Variants in TENM2 observed in about 807,000 individuals in gnomAD.
The protein encoded by TENM2 is teneurin-2.
A neutral mutation model predicts 245.2 loss-of-function variants in TENM2; 52 were observed. The ratio of observed to expected loss-of-function variants is 0.21; its 90% CI spans 0.17 to 0.27. The LOEUF is 0.27. TENM2 is among the 10% of genes least tolerant of loss of function. The pLI, the probability that TENM2 is intolerant of heterozygous loss-of-function variation, is 1.00. For missense variants in TENM2, 3,046 were observed against 3,666.8 expected (o/e 0.83, Z 4.37); for synonymous variants, 1,363 against 1,438.9 (o/e 0.95, Z 1.19).
intron 2 of TENM2, among the ~76,000 whole-genome samples, chr5:167,470,622 G>A (rs1238972805): frequency 6.6e-6 from 1 of 151,724 alleles, no homozygotes; most frequent in Non-Finnish European, 1.5e-5. Flanking sequence ...ACTAATCCTT[G>A]GAAGTAATGG....
At chr5:167,594,871 T>A (rs1292448807) in intron 2 of TENM2, among the ~76,000 whole-genome samples, 1 of 152,214 alleles carries the variant, frequency 6.6e-6, no homozygotes, top group African/African-American at 2.4e-5. Flanking sequence ...CCTTGCAATT[T>A]TACTTACAAA....
At chr5:168,096,533 C>A (rs747574694) in intron 8 of TENM2, among the ~76,000 whole-genome samples, 1 of 152,136 alleles carries the variant, frequency 6.6e-6, no homozygotes, top group South Asian at 2.1e-4. Context: ...TGCCAGAAAC[C>A]AACTACAGTG....
chr5:168,103,029 G>A (rs11955988), intron 9 of TENM2, among the ~76,000 whole-genome samples: 60,820 of 133,934 alleles, frequency 0.45, 12,873 homozygotes, highest in South Asian at 0.68. Context: ...ATCCCTCCCC[G>A]CCTCCCCCCA....
intron 5 of TENM2, among the ~76,000 whole-genome samples, chr5:168,023,807 C>G (rs540780349): frequency 3.3e-5 from 5 of 152,312 alleles, no homozygotes; most frequent in African/African-American, 1.2e-4. Flanking sequence ...GCCACCTGCC[C>G]TGGGAGCTCC....
At chr5:167,562,457 T>G (rs1373518464) in intron 2 of TENM2, among the ~76,000 whole-genome samples, 1 of 151,916 alleles carries the variant, frequency 6.6e-6, no homozygotes, top group East Asian at 1.9e-4. Flanking sequence ...TGCACAAAGA[T>G]TGAGTTGGTG....
chr5:167,654,873 C>T (rs1167907541), intron 2 of TENM2, among the ~76,000 whole-genome samples: 1 of 152,066 alleles, frequency 6.6e-6, no homozygotes, highest in Admixed American at 6.5e-5. Flanking sequence ...GCTATCCTGT[C>T]AGCACAGATG....
At chr5:167,101,225 G>C in the TENM2 span, among the ~76,000 whole-genome samples, 1 of 152,152 alleles carries the variant, frequency 6.6e-6, no homozygotes, top group Admixed American at 6.5e-5. Flanking sequence ...GACTTTGTTT[G>C]TTTGGTATAT....
chr5:167,652,133 C>T (rs1754512318), intron 2 of TENM2, among the ~76,000 whole-genome samples: 1 of 152,094 alleles, frequency 6.6e-6, no homozygotes, highest in African/African-American at 2.4e-5. Flanking sequence ...GACAGAAGAC[C>T]TTGATAAACT....
intron 1 of TENM2, among the ~76,000 whole-genome samples, chr5:167,348,406 A>G (rs1257644798): frequency 1.3e-5 from 2 of 152,184 alleles, no homozygotes; most frequent in Non-Finnish European, 1.5e-5. Context: ...GGCTGCTTTC[A>G]GCTGTGGGCC....
At chr5:167,691,896 C>A (rs1298268544) in intron 2 of TENM2, among the ~76,000 whole-genome samples, 1 of 152,108 alleles carries the variant, frequency 6.6e-6, no homozygotes, top group Non-Finnish European at 1.5e-5. Context: ...AAGTGATACA[C>A]AAAAAACTAT....
At chr5:167,210,883 G>A in the TENM2 span, among the ~76,000 whole-genome samples, 1 of 152,146 alleles carries the variant, frequency 6.6e-6, no homozygotes, top group Non-Finnish European at 1.5e-5. Flanking sequence ...TTTGTGCTGG[G>A]TACTTTGGGG....
chr5:167,061,799 C>T, the TENM2 span, among the ~76,000 whole-genome samples: 1 of 151,030 alleles, frequency 6.6e-6, no homozygotes, highest in African/African-American at 2.4e-5. Flanking sequence ...GTAACACAGA[C>T]AATGTGTTTC....
At chr5:167,734,716 C>A (rs1760681279) in intron 2 of TENM2, among the ~76,000 whole-genome samples, 1 of 152,006 alleles carries the variant, frequency 6.6e-6, no homozygotes, top group Non-Finnish European at 1.5e-5. Context: ...CTATACTGCA[C>A]CCTTAAGAAT....
At chr5:167,728,101 C>T (rs1052299033) in intron 2 of TENM2, among the ~76,000 whole-genome samples, 2 of 152,102 alleles carry the variant, frequency 1.3e-5, no homozygotes, top group African/African-American at 4.8e-5. Flanking sequence ...GGAACTGGGA[C>T]CAGTCTTATG....
chr5:168,109,354 T>G (rs1414927191), intron 9 of TENM2, among the ~76,000 whole-genome samples: 1 of 152,224 alleles, frequency 6.6e-6, no homozygotes, highest in East Asian at 1.9e-4. Context: ...ATCAACTACA[T>G]GCTGGGCACT....
the TENM2 span, among the ~76,000 whole-genome samples, chr5:167,061,097 C>CAT: frequency 6.8e-3 from 203 of 29,900 alleles, no homozygotes; most frequent in African/African-American, 0.014. Context: ...CCAAAACACA[C>CAT]ACACACACAC....
Position 167,743,214 on chromosome 5 carries a change from G to A in TENM2, c.503-132772G>A, listed in dbSNP as rs539983157. Among the ~76,000 whole-genome samples the A allele has an allele frequency of 4.6e-5, 7 of 152,236 alleles. No homozygotes were observed. The South Asian group carries it at 6.2e-4, about 14-fold the overall frequency. On this transcript the variant is annotated intron_variant, in intron 2 of 28. Transcript: ENST00000518659. ...GTTGTTGACTAATAGTGCCTCAGTG[G>A]TAGTTCCAATATGCCAGTTAATGCA...
intron 2 of TENM2, among the ~76,000 whole-genome samples, chr5:167,873,122 G>A (rs1773122929): frequency 6.6e-6 from 1 of 152,258 alleles, no homozygotes; most frequent in Non-Finnish European, 1.5e-5. Context: ...GCCTTGGTCA[G>A]GATTCCTCTG....
intron 2 of TENM2, among the ~76,000 whole-genome samples, chr5:167,817,960 C>G (rs767511810): frequency 3.3e-5 from 5 of 152,140 alleles, no homozygotes; most frequent in Non-Finnish European, 5.9e-5. Context: ...CCTCTCTTCC[C>G]TGTAACTTGG....
Sources: allele counts gnomAD v4.1 joint callset (sites outside exome capture counted in the v4.1 genomes callset), GRCh38; gene constraint gnomAD v4.1.1; transcripts MANE v1.5; gene names NCBI Gene and HGNC (gene_info 2026-07-23, HGNC 2026-07-21).